The following NAV3 variants were observed in gnomAD, a reference collection of about 807,000 sequenced individuals.
NAV3 encodes neuron navigator 3, also known as pore membrane and/or filament interacting like protein 1.
Under a neutral mutation model 244.7 loss-of-function variants are expected in NAV3, and 87 were observed. The ratio of observed to expected loss-of-function variants is 0.36; its 90% CI spans 0.30 to 0.42. NAV3 has a LOEUF of 0.42. Among genes scored for constraint, NAV3 ranks in the 20% least tolerant of loss-of-function variants. The pLI is 1.00. For synonymous variants in NAV3, 1,126 were observed against 1,042.2 expected (o/e 1.08, Z -1.55); for missense variants, 2,663 against 2,893.3 (o/e 0.92, Z 1.83).
intron 18 of NAV3, among the ~76,000 whole-genome samples, chr12:78,135,883 A>G (rs918937052): frequency 3.3e-5 from 5 of 151,576 alleles, no homozygotes; most frequent in Non-Finnish European, 7.4e-5. Flanking sequence ...GGAGATTCAT[A>G]TTTTCTTCCT....
At chr12:77,942,426 A>T (rs897663774) in intron 3 of NAV3, among the ~76,000 whole-genome samples, 1 of 151,822 alleles carries the variant, frequency 6.6e-6, no homozygotes, top group African/African-American at 2.4e-5. Context: ...ATAAATAAAT[A>T]AAAAATAATT....
chr12:77,853,547 T>A (rs1877880345), intron 1 of NAV3, among the ~76,000 whole-genome samples: 1 of 152,170 alleles, frequency 6.6e-6, no homozygotes, highest in South Asian at 2.1e-4. Context: ...ATTTCAAAAC[T>A]ATTCTATGCA....
At chr12:77,664,744 A>C (rs902887685) in intron 2 of NAV3, among the ~76,000 whole-genome samples, 1 of 152,214 alleles carries the variant, frequency 6.6e-6, no homozygotes, top group East Asian at 1.9e-4. Context: ...GTTCAGATTA[A>C]AAAATGAAAG....
intron 3 of NAV3, among the ~76,000 whole-genome samples, chr12:77,942,040 A>G (rs1384785551): frequency 6.6e-6 from 1 of 152,246 alleles, no homozygotes; most frequent in African/African-American, 2.4e-5. Context: ...AATAATAAAC[A>G]TAATTTATTT....
chr12:77,757,040 C>A (rs1254358263), intron 2 of NAV3, among the ~76,000 whole-genome samples: 1 of 152,140 alleles, frequency 6.6e-6, no homozygotes, highest in African/African-American at 2.4e-5. Flanking sequence ...ACAGTAACAA[C>A]CCCATCAAAG....
At chr12:77,741,162 AAAAAGAAAAG>A (rs1868326999) in intron 2 of NAV3, among the ~76,000 whole-genome samples, 1 of 149,220 alleles carries the variant, frequency 6.7e-6, no homozygotes, top group Non-Finnish European at 1.5e-5. Flanking sequence ...AAAAAAAAAA[AAAAAGAAAAG>A]AAAGAAAAAG....
chr12:77,829,151 G>A (rs1731634618), upstream of NAV3, among the ~76,000 whole-genome samples: 1 of 152,188 alleles, frequency 6.6e-6, no homozygotes, highest in African/African-American at 2.4e-5. Context: ...GCATGCCCCT[G>A]GCCTTGTGCA....
chr12:77,803,287 C>T lies in NAV3; in HGVS notation c.73-137032C>T, dbSNP rs138393254. Among the ~76,000 whole-genome samples the T allele has an allele frequency of 3.1e-3, 474 of 152,194 alleles. 1 individual carries two copies. The highest frequency in any genetic ancestry group is 5.1e-3 in the Non-Finnish European group (349 of 68,006). On this transcript the variant is annotated intron_variant, in intron 2 of 8. Transcript: ENST00000550042. ...TGCTATCCCTCTCCTAGCCCCCCAT[C>T]CCCCAACAGGCCCTGGTGTATGATG...
chr12:77,672,278 C>CTT (rs552161376), intron 2 of NAV3, among the ~76,000 whole-genome samples: 4 of 152,224 alleles, frequency 2.6e-5, no homozygotes, highest in Admixed American at 2.0e-4. Context: ...AAAGAGAACA[C>CTT]TTTTACACCG....
Position 77,831,195 on chromosome 12 carries a change from C to G in NAV3, c.-267C>G, listed in dbSNP as rs77759134. ...AGAGAGAGAGAGAGAGAGAGAGAGACAGAGAGAGAGAGAGAGAGAGAGAAA... is the reference window on the plus strand; with the variant it reads ...AGAGAGAGAGAGAGAGAGAGAGAGAGAGAGAGAGAGAGAGAGAGAGAGAAA... On this transcript the variant is annotated 5_prime_UTR_variant, in exon 1 of 40. Coordinates refer to ENST00000397909, the MANE Select transcript of NAV3 (RefSeq NM_001024383.2). 9.5e-3 allele frequency: 1,377 copies of G among 144,528 alleles called. 7 individuals carry two copies. The highest frequency in any genetic ancestry group is 0.021 in the South Asian group (127 of 6,104). 9.0% of individuals were successfully genotyped at this position (144,528 alleles called of 1,614,324 possible). A position where few individuals can be genotyped will look rare whatever the true frequency, so the allele number is the denominator to read the frequency against.
chr12:77,994,094 A>C (rs2136390220), intron 5 of NAV3, among the ~76,000 whole-genome samples: 1 of 152,388 alleles, frequency 6.6e-6, no homozygotes, highest in East Asian at 1.9e-4. Context: ...GCCTTTGAAC[A>C]AAGATTTTGA....
At chr12:77,919,669 C>T (rs936690722) in intron 1 of NAV3, among the ~76,000 whole-genome samples, 3 of 151,958 alleles carry the variant, frequency 2.0e-5, no homozygotes, top group Admixed American at 1.3e-4. Context: ...ATCTTTAAGG[C>T]GAAGTACTTC....
chr12:78,117,939 C>T (rs969813949), intron 13 of NAV3, 88 bp from the exon 14 acceptor site: 1 of 1,224,770 alleles, frequency 8.2e-7, no homozygotes, highest in Non-Finnish European at 1.1e-6. Flanking sequence ...TGGATTTATC[C>T]AGTTATCTGA....
chr12:77,852,270 C>T (rs1469258362), intron 1 of NAV3, among the ~76,000 whole-genome samples: 4 of 152,188 alleles, frequency 2.6e-5, no homozygotes, highest in Non-Finnish European at 5.9e-5. Context: ...TGCAGTGGCT[C>T]ACGCCTGCAA....
chr12:78,175,131 A>T (rs1249850376), intron 24 of NAV3, among the ~76,000 whole-genome samples, 175 bp from the exon 25 acceptor site: 1 of 152,016 alleles, frequency 6.6e-6, no homozygotes, highest in Non-Finnish European at 1.5e-5. Flanking sequence ...TCAGTTAATT[A>T]AAACAAATAT....
At chr12:77,791,530 T>C (rs1189175985) in intron 2 of NAV3, among the ~76,000 whole-genome samples, 1 of 152,160 alleles carries the variant, frequency 6.6e-6, no homozygotes, top group Non-Finnish European at 1.5e-5. Flanking sequence ...TTGAGTATAT[T>C]GTCTCATTTA....
chr12:77,835,691 T>C (rs982519965), intron 1 of NAV3, among the ~76,000 whole-genome samples: 3 of 152,224 alleles, frequency 2.0e-5, no homozygotes, highest in African/African-American at 7.2e-5. Flanking sequence ...CTATCAATTA[T>C]TTCAGTGATT....
intron 22 of NAV3, among the ~76,000 whole-genome samples, chr12:78,150,815 A>G (rs1957054458): frequency 6.6e-6 from 1 of 151,972 alleles, no homozygotes; most frequent in Non-Finnish European, 1.5e-5. Context: ...TATGCTTGTC[A>G]CACTATTTTC....
At chr12:77,628,837 G>A (rs189314647) in intron 2 of NAV3, among the ~76,000 whole-genome samples, 29 of 149,280 alleles carry the variant, frequency 1.9e-4, no homozygotes, top group Admixed American at 1.6e-3. Flanking sequence ...GCAGCAGTGA[G>A]CCATGATCTC....
Sources: gnomAD v4.1 joint callset for allele counts (sites outside exome capture counted in the v4.1 genomes callset) on GRCh38, gnomAD v4.1.1 for gene constraint, MANE v1.5 for transcripts, NCBI Gene and HGNC (gene_info 2026-07-23, HGNC 2026-07-21) for gene names.